POTEF: variants seen among roughly 807,000 people sequenced by gnomAD.
POTEF encodes ANKRD26-like family C member 1B.
POTEF carries 20 observed loss-of-function variants against 83.2 expected under a neutral mutation model. The observed-to-expected ratio is 0.24, with a 90% CI of 0.17 to 0.35. The LOEUF (loss-of-function observed/expected upper bound fraction) is 0.35. Ranked by LOEUF, POTEF falls within the 10% of genes least tolerant of loss-of-function variation. The pLI, the probability that POTEF is intolerant of heterozygous loss-of-function variation, is 1.00. For synonymous variants in POTEF, 196 were observed against 446.4 expected, an observed-to-expected ratio of 0.44 and a Z score of 7.07; for missense variants, 550 against 1,203.2, an observed-to-expected ratio of 0.46 and a Z score of 8.03.
chr2:130,108,817 C>T (rs1684621883), intron 7 of POTEF, among the ~76,000 whole-genome samples: 2 of 148,458 alleles, frequency 1.3e-5, no homozygotes, highest in African/African-American at 5.0e-5. Flanking sequence ...GCAGAAAAAC[C>T]AATGGATGTT....
rs1288793984 is a variant in POTEF, at chr2:130,114,582, A to T, written c.810+299T>A. 2.3e-3 allele frequency among the ~76,000 whole-genome samples: 341 copies of T among 147,974 alleles called. 5 individuals are homozygous for T. Among genetic ancestry groups the T allele is most frequent in the African/African-American group, 8.0e-3 (317 of 39,674 alleles). On this transcript the variant is annotated intron_variant, in intron 5 of 16. Coordinates refer to ENST00000409914, the MANE Select transcript of POTEF (RefSeq NM_001099771.2). ...GGCAAATTTTGCCATTTTACATTCA[A>T]TAGGGAAAAAACATCCTAGGAGGGA...
chr2:130,083,598 T>C (rs1217834543), intron 15 of POTEF, among the ~76,000 whole-genome samples: 4 of 123,438 alleles, frequency 3.2e-5, no homozygotes, highest in South Asian at 3.1e-4. Context: ...AGAAAAAAAT[T>C]AGTGATAATC....
chr2:130,122,152 GTTTTTC>G (rs377220073), intron 2 of POTEF, among the ~76,000 whole-genome samples: 5 of 144,104 alleles, frequency 3.5e-5, no homozygotes, highest in Admixed American at 7.1e-5. Context: ...GTATTAATAT[GTTTTTC>G]TTTTTCATTG....
At chr2:130,122,669 TAG>T (rs1685024029) in intron 2 of POTEF, among the ~76,000 whole-genome samples, 1 of 150,664 alleles carries the variant, frequency 6.6e-6, no homozygotes, top group African/African-American at 2.5e-5. Context: ...TCAATTGATA[TAG>T]GACTTTTTCT....
intron 8 of POTEF, among the ~76,000 whole-genome samples, chr2:130,104,781 T>TGCTAACTTTTGATC (rs1168244984): frequency 1.3e-5 from 2 of 151,314 alleles, no homozygotes; most frequent in African/African-American, 2.5e-5. Flanking sequence ...TGTCTGTGGA[T>TGCTAACTTTTGATC]GCTAACTTTT....
Position 130,075,100 on chromosome 2 carries a change from T to A in POTEF, c.2372A>T (p.Tyr791Phe), listed in dbSNP as rs556938652. ...CTCGGGAGCCACACGCAGCTCGTTG[T>A]AGAAGGTGTGGTGCCAGATCTTCTC... ...DMEKIWHHTF[Y>F]NELRVAPEEH... The change falls in exon 17 of 17, where the codon TAC becomes TTC. Residue 791 changes from tyrosine to phenylalanine, a missense_variant. Physicochemically the swap from Tyr to Phe is conservative, Grantham distance 22. Transcript: ENST00000409914. 6.2e-6 allele frequency: 10 copies of A among 1,613,788 alleles called. No homozygotes were observed. The East Asian group carries it at 2.0e-4, about 32-fold the overall frequency.
chr2:130,128,636 A>G (rs1264980570), intron 1 of POTEF, among the ~76,000 whole-genome samples: 8 of 152,014 alleles, frequency 5.3e-5, no homozygotes, highest in South Asian at 2.1e-4. Context: ...GCACAAGACA[A>G]TGCCTCAAAA....
chr2:130,113,137 T>C (rs1466430766), intron 5 of POTEF, among the ~76,000 whole-genome samples: 3 of 133,928 alleles, frequency 2.2e-5, no homozygotes, highest in South Asian at 2.5e-4. Context: ...ATCCTAGCAT[T>C]TGGGGAGGCT....
intron 15 of POTEF, among the ~76,000 whole-genome samples, chr2:130,083,240 C>G (rs1371633718): frequency 6.6e-6 from 1 of 150,804 alleles, no homozygotes; most frequent in East Asian, 1.9e-4. Context: ...GAGGCTGAGG[C>G]AGGAGAAGTG....
At position 130,120,227 on chromosome 2, in the gene POTEF, T is replaced by C. The variant is rs1369284484; in HGVS notation, c.289A>G (p.Lys97Glu). The change falls in exon 3 of 17, where the codon AAG (lysine) becomes GAG (glutamate). Residue 97 changes from lysine to glutamate, a missense_variant. Physicochemically the swap from Lys to Glu is moderately conservative, Grantham distance 56. Coordinates refer to ENST00000409914, the MANE Select transcript of POTEF (RefSeq NM_001099771.2). Reference protein sequence around the residue: ...DDSAMKTLRNKMGKWCCHCFP... With the variant: ...DDSAMKTLRNEMGKWCCHCFP... ...CAGTGGCAGCACCACTTGCCCATCT[T>C]GTTCCTGAGTGTCTTCATAGCAGAG... 6.3e-7 allele frequency: 1 copy of C among 1,598,606 alleles called. No homozygotes were observed.
In POTEF at chr2:130,075,938, T is replaced by C. The variant is rs555721486; in HGVS notation, c.1900-366A>G. 1.6e-3 allele frequency among the ~76,000 whole-genome samples: 240 copies of C among 149,758 alleles called. 3 individuals are homozygous for C. The highest frequency in any genetic ancestry group is 4.9e-3 in the African/African-American group (199 of 40,598). ...CCAGAGGCATAAAATATAAGATTAA[T>C]AATTTGACTACATTTTTAAGATTAG... On this transcript the variant is annotated intron_variant, in intron 16 of 16. Coordinates refer to ENST00000409914, the MANE Select transcript of POTEF (RefSeq NM_001099771.2).
chr2:130,083,190 C>T (rs1368135791), intron 15 of POTEF, among the ~76,000 whole-genome samples: 4 of 142,826 alleles, frequency 2.8e-5, no homozygotes, highest in African/African-American at 1.1e-4. Context: ...CAAAAATTAG[C>T]CAGGCGTGGT....
rs772386189 is a variant in POTEF at position 130,115,197 on chromosome 2, A to C, written c.636+17T>G. The C allele has an allele frequency of 4.3e-6, 7 of 1,612,300 alleles. No homozygotes were observed. The African/African-American group carries it at 5.4e-5, about 12-fold the overall frequency. ...AATCAAACCCACCTCATGCTGATAT[A>C]GTTGGCTACTGCATACCTTTATCAG... is the stretch of plus-strand genomic sequence containing the variant. On this transcript the variant is annotated intron_variant, in intron 4 of 16. Coordinates refer to ENST00000409914, the MANE Select transcript of POTEF (RefSeq NM_001099771.2).
Position 130,120,533 on chromosome 2 carries a change from G to C in POTEF, c.-18C>G, listed in dbSNP as rs772115932. On this transcript the variant is annotated 5_prime_UTR_variant, in exon 3 of 17. Transcript: ENST00000409914. ...ACCACCATCTGCTTTTAACAGCCAGGAGAAGCCAGTAGTAGCCAACAGATC... is the reference window on the plus strand; with the variant it reads ...ACCACCATCTGCTTTTAACAGCCAGCAGAAGCCAGTAGTAGCCAACAGATC... The C allele has an allele frequency of 1.9e-6, 3 of 1,612,022 alleles. No homozygotes were observed. The highest frequency in any genetic ancestry group is 2.5e-6 in the Non-Finnish European group (3 of 1,179,600).
chr2:130,094,951 T>C (rs1472083318), intron 11 of POTEF, among the ~76,000 whole-genome samples: 1 of 150,696 alleles, frequency 6.6e-6, no homozygotes. Flanking sequence ...ATGTAGCTTA[T>C]TACAAAGAGC....
At chr2:130,123,512 C>T (rs558760660) in intron 2 of POTEF, among the ~76,000 whole-genome samples, 2 of 152,006 alleles carry the variant, frequency 1.3e-5, no homozygotes, top group South Asian at 4.2e-4. Flanking sequence ...TATTGGAAAG[C>T]CAACAAGTAA....
rs190716297 is a variant in POTEF at position 130,103,395 on chromosome 2, G to C, written c.1127-1215C>G. Among the ~76,000 whole-genome samples, 463 of 150,662 alleles carry C rather than the reference G, an allele frequency of 3.1e-3. 6 individuals carry two copies. The highest frequency in any genetic ancestry group is 5.4e-3 in the Non-Finnish European group (366 of 67,946). ...ATTAGAGGTGTGAGCCACCACACTT[G>C]TCCTTATATTTATCTTTTAAAACAA... On this transcript the variant is annotated intron_variant, in intron 8 of 16. Coordinates refer to ENST00000409914, the MANE Select transcript of POTEF (RefSeq NM_001099771.2).
At position 130,078,274 on chromosome 2, in the gene POTEF, T is replaced by A. The variant is rs1275670539; in HGVS notation, c.1779-1073A>T. Among the ~76,000 whole-genome samples, 54 of 89,894 alleles carry A rather than the reference T, an allele frequency of 6.0e-4. 18 individuals carry two copies. The highest frequency in any genetic ancestry group is 2.0e-3 in the African/African-American group (47 of 23,944). 59.0% of individuals were successfully genotyped at this position (89,894 alleles called of 152,430 possible). A position where few individuals can be genotyped will look rare whatever the true frequency, so the allele number is the denominator to read the frequency against. ...TCTCAGAGGTTACAAAATAAATGAATACCAATCAGTAGCACCACTATACAT... is the reference window on the plus strand; with the variant it reads ...TCTCAGAGGTTACAAAATAAATGAAAACCAATCAGTAGCACCACTATACAT... On this transcript the variant is annotated intron_variant, in intron 15 of 16. Transcript: ENST00000409914.
chr2:130,103,518 C>T (rs566877713), intron 8 of POTEF, among the ~76,000 whole-genome samples: 1 of 131,308 alleles, frequency 7.6e-6, no homozygotes, highest in South Asian at 2.5e-4. Flanking sequence ...GATTTTTCTA[C>T]TGCATCTTTA....
Sources: allele counts gnomAD v4.1 joint callset (sites outside exome capture counted in the v4.1 genomes callset), GRCh38; gene constraint gnomAD v4.1.1; transcripts MANE v1.5; gene names NCBI Gene and HGNC (gene_info 2026-07-23, HGNC 2026-07-21).